The following SYT17 variants were observed in gnomAD, a reference collection of about 807,000 sequenced individuals.
The protein encoded by SYT17 is synaptotagmin-17.
A neutral mutation model predicts 46.7 loss-of-function variants in SYT17; 22 were observed. That is an observed-to-expected ratio of 0.47 (90% CI 0.34 to 0.67). The LOEUF (loss-of-function observed/expected upper bound fraction) is 0.67, where lower values mean the gene tolerates loss of function less well. Among genes scored for constraint, SYT17 ranks in the 30% least tolerant of loss-of-function variants. SYT17 has a pLI of 0.01. For synonymous variants in SYT17, 251 were observed against 248.4 expected (o/e 1.01, Z -0.10); for missense variants, 519 against 612.8 (o/e 0.85, Z 1.62).
intron 5 of SYT17, among the ~76,000 whole-genome samples, chr16:19,185,884 T>C (rs1016185423): frequency 2.0e-5 from 3 of 152,226 alleles, no homozygotes; most frequent in African/African-American, 7.2e-5. Flanking sequence ...CGCCTTCCAG[T>C]GCACTAAGCG....
intron 3 of SYT17, among the ~76,000 whole-genome samples, chr16:19,179,572 G>A (rs993531986): frequency 8.5e-5 from 13 of 152,100 alleles, no homozygotes; most frequent in Non-Finnish European, 1.8e-4. Context: ...CGGCCTCTAC[G>A]CATTTTATAT....
intron 5 of SYT17, among the ~76,000 whole-genome samples, chr16:19,186,321 TAA>T (rs11455666): frequency 6.9e-6 from 1 of 145,762 alleles, no homozygotes. Flanking sequence ...TACAAAACAT[TAA>T]AAAAAAAAAA....
intron 5 of SYT17, among the ~76,000 whole-genome samples, chr16:19,208,299 GTAT>G (rs1023132966): frequency 1.3e-5 from 2 of 152,208 alleles, no homozygotes; most frequent in African/African-American, 4.8e-5. Flanking sequence ...TATTGGAGGT[GTAT>G]TAGTCCTTCA....
intron 3 of SYT17, among the ~76,000 whole-genome samples, chr16:19,177,837 G>A (rs188889248): frequency 1.3e-5 from 2 of 152,282 alleles, no homozygotes; most frequent in Admixed American, 6.5e-5. Flanking sequence ...AAGTCAAGTT[G>A]GTTGATTGTT....
chr16:19,266,742 C>A, intron 7 of SYT17, 138 bp from the exon 8 acceptor site: 1 of 647,670 alleles, frequency 1.5e-6, no homozygotes, highest in Non-Finnish European at 2.5e-6. Context: ...AAAAAGACAG[C>A]GTGCCCTAAA....
At chr16:19,250,187 C>A in intron 7 of SYT17, 1 of 1,102,968 alleles carries the variant, frequency 9.1e-7, no homozygotes, top group Non-Finnish European at 1.2e-6. Context: ...CATATTTCTA[C>A]CCATCAGATT....
At chr16:19,197,270 A>G (rs184233577) in intron 5 of SYT17, among the ~76,000 whole-genome samples, 1 of 152,374 alleles carries the variant, frequency 6.6e-6, no homozygotes, top group Non-Finnish European at 1.5e-5. Flanking sequence ...GCAGCCATTA[A>G]CTAGAAGTTT....
intron 5 of SYT17, among the ~76,000 whole-genome samples, chr16:19,188,175 TC>T (rs1380715546): frequency 2.0e-5 from 3 of 152,114 alleles, no homozygotes; most frequent in Non-Finnish European, 2.9e-5. Flanking sequence ...CAAGATCATG[TC>T]CTTTGCAAGA....
chr16:19,180,499 C>T lies in SYT17; in HGVS notation c.291C>T (p.Asp97=), dbSNP rs370914981. Residue 97 remains aspartate, a synonymous_variant, in exon 4 of 8, where the codon GAC becomes GAT. Coordinates refer to ENST00000355377, the MANE Select transcript of SYT17 (RefSeq NM_016524.4). ...NSPDGRRSSS[D]TSKSTYSLTR... ...CGGATGGAAGACGCTCGTCCTCAGA[C>T]ACATCCAAGTCTACATACAGCCTGA... 1.2e-6 allele frequency: 2 copies of T among 1,614,088 alleles called. No individual in the cohort carries two copies. The highest frequency in any genetic ancestry group is 1.3e-5 in the African/African-American group (1 of 74,916).
At chr16:19,238,520 G>A (rs1966880789) in intron 7 of SYT17, among the ~76,000 whole-genome samples, 1 of 152,242 alleles carries the variant, frequency 6.6e-6, no homozygotes, top group African/African-American at 2.4e-5. Flanking sequence ...ACATCCACCA[G>A]GTGGTAGAAC....
intron 7 of SYT17, among the ~76,000 whole-genome samples, chr16:19,230,533 G>A (rs1013297342): frequency 3.3e-5 from 5 of 152,160 alleles, no homozygotes; most frequent in Admixed American, 6.5e-5. Flanking sequence ...GCTATAATTA[G>A]AAGGAAAGAA....
chr16:19,185,484 G>C (rs149635704), intron 5 of SYT17, among the ~76,000 whole-genome samples: 36 of 152,296 alleles, frequency 2.4e-4, no homozygotes, highest in African/African-American at 8.2e-4. Context: ...TAGCTACTTG[G>C]GAGGCTGAGG....
chr16:19,209,013 A>G (rs1399389347), intron 5 of SYT17, among the ~76,000 whole-genome samples: 5 of 146,452 alleles, frequency 3.4e-5, no homozygotes, highest in Non-Finnish European at 7.4e-5. Flanking sequence ...GATTACAGAC[A>G]CCCACCACCA....
chr16:19,199,147 C>T (rs1567208814), intron 5 of SYT17, among the ~76,000 whole-genome samples: 1 of 152,132 alleles, frequency 6.6e-6, no homozygotes, highest in Admixed American at 6.5e-5. Flanking sequence ...TGGTCCCTGC[C>T]CTTGAGACTC....
chr16:19,264,587 T>C (rs1416919258), intron 7 of SYT17, among the ~76,000 whole-genome samples: 6 of 119,878 alleles, frequency 5.0e-5, no homozygotes, highest in African/African-American at 1.9e-4. Flanking sequence ...AGACTGAGAT[T>C]TCCCCCACCT....
chr16:19,209,072 T>C (rs1596954794), intron 5 of SYT17, among the ~76,000 whole-genome samples: 1 of 151,844 alleles, frequency 6.6e-6, no homozygotes, highest in Non-Finnish European at 1.5e-5. Context: ...TTTCACCATG[T>C]TGGTCAGGCT....
chr16:19,177,283 G>A (rs1018384901), intron 3 of SYT17, among the ~76,000 whole-genome samples: 3 of 152,124 alleles, frequency 2.0e-5, no homozygotes, highest in African/African-American at 7.2e-5. Context: ...TGGCCATTAT[G>A]AATGGCACCA....
chr16:19,204,813 A>ACTGG, intron 5 of SYT17, among the ~76,000 whole-genome samples: 1 of 152,054 alleles, frequency 6.6e-6, no homozygotes, highest in South Asian at 2.1e-4. Context: ...CACTGAACTT[A>ACTGG]GTTTGCCGCC....
intron 3 of SYT17, among the ~76,000 whole-genome samples, chr16:19,177,946 G>A (rs900091840): frequency 3.3e-5 from 5 of 152,196 alleles, no homozygotes; most frequent in Admixed American, 2.6e-4. Context: ...GCCATTTAGA[G>A]TTTAGCATTA....
Sources: allele counts gnomAD v4.1 joint callset (sites outside exome capture counted in the v4.1 genomes callset), GRCh38; gene constraint gnomAD v4.1.1; transcripts MANE v1.5; gene names NCBI Gene and HGNC (gene_info 2026-07-23, HGNC 2026-07-21).